The following CSPP1 variants were observed in gnomAD, a reference collection of about 807,000 sequenced individuals.
CSPP1 encodes centrosome and spindle pole-associated protein 1.
CSPP1 carries 126 observed loss-of-function variants against 164.4 expected under a neutral mutation model. The ratio of observed to expected loss-of-function variants is 0.77; its 90% CI spans 0.66 to 0.89. The LOEUF (loss-of-function observed/expected upper bound fraction) is 0.89, where lower values mean the gene tolerates loss of function less well. Among genes scored for constraint, CSPP1 ranks in the 40% least tolerant of loss-of-function variants. The pLI is 0.00. For missense variants in CSPP1, 1,395 were observed against 1,449.8 expected, an observed-to-expected ratio of 0.96 and a Z score of 0.61; for synonymous variants, 472 against 476.7, an observed-to-expected ratio of 0.99 and a Z score of 0.13.
chr8:67,071,616 A>G (rs972258846), intron 1 of CSPP1, among the ~76,000 whole-genome samples: 6 of 152,174 alleles, frequency 3.9e-5, no homozygotes, highest in African/African-American at 1.4e-4. Flanking sequence ...ACATATGTAA[A>G]CCAAACCTTT....
intron 3 of CSPP1, among the ~76,000 whole-genome samples, chr8:67,077,881 G>A (rs1808292082): frequency 1.3e-5 from 2 of 152,156 alleles, no homozygotes; most frequent in Non-Finnish European, 2.9e-5. Flanking sequence ...CTCAAAGTGA[G>A]TGCCCTACTT....
At chr8:67,162,779 A>G (rs933101978) in intron 22 of CSPP1, among the ~76,000 whole-genome samples, 1 of 152,136 alleles carries the variant, frequency 6.6e-6, no homozygotes, top group Admixed American at 6.6e-5. Context: ...CAGCTTTATG[A>G]TACATTTAAG....
At chr8:67,190,044 G>A (rs778222776) in intron 28 of CSPP1, among the ~76,000 whole-genome samples, 1 of 152,126 alleles carries the variant, frequency 6.6e-6, no homozygotes, top group Non-Finnish European at 1.5e-5. Context: ...GCAGAGTAGA[G>A]TTAACCATAA....
chr8:67,160,988 G>A (rs1828233534), intron 21 of CSPP1, among the ~76,000 whole-genome samples: 1 of 151,906 alleles, frequency 6.6e-6, no homozygotes, highest in South Asian at 2.1e-4. Context: ...TACCACACCT[G>A]GCTAATTTTT....
At chr8:67,124,555 C>A (rs990147528) in intron 15 of CSPP1, among the ~76,000 whole-genome samples, 3 of 152,108 alleles carry the variant, frequency 2.0e-5, no homozygotes, top group African/African-American at 7.2e-5. Context: ...GGTTGGAGTG[C>A]AGTGGCATGA....
At chr8:67,119,399 T>C (rs1035011504) in intron 15 of CSPP1, among the ~76,000 whole-genome samples, 3 of 152,210 alleles carry the variant, frequency 2.0e-5, no homozygotes, top group Non-Finnish European at 4.4e-5. Flanking sequence ...TTTTTGGGTC[T>C]GTACCCAGAG....
At chr8:67,122,483 C>T (rs893506414) in intron 15 of CSPP1, among the ~76,000 whole-genome samples, 1 of 152,156 alleles carries the variant, frequency 6.6e-6, no homozygotes, top group Admixed American at 6.5e-5. Flanking sequence ...ATTTCTTCAT[C>T]AACCTGTTGG....
chr8:67,089,854 T>A (rs960827095), intron 4 of CSPP1, among the ~76,000 whole-genome samples: 35 of 151,832 alleles, frequency 2.3e-4, no homozygotes, highest in African/African-American at 7.7e-4. Flanking sequence ...TTTTTTTTTT[T>A]AAATACTCAA....
chr8:67,163,980 G>A (rs1040041269), intron 23 of CSPP1, among the ~76,000 whole-genome samples, 182 bp downstream of exon 23: 3 of 152,164 alleles, frequency 2.0e-5, no homozygotes, highest in African/African-American at 7.2e-5. Context: ...GCCAGGAAGT[G>A]GACATTGATG....
rs543938074 is a variant in CSPP1 at position 67,119,915 on chromosome 8, C to T, written c.1697+1094C>T. On this transcript the variant is annotated intron_variant, in intron 15 of 30. Coordinates refer to ENST00000678616, the MANE Select transcript of CSPP1 (RefSeq NM_001382391.1). ...GTCTTTTTATTATTGTTGCCTGTGC[C>T]TTTGGTGTCATGTCTGAGAAATCAT... 1.3e-3 allele frequency among the ~76,000 whole-genome samples: 199 copies of T among 152,210 alleles called. 1 individual carries two copies. The highest frequency in any genetic ancestry group is 6.8e-3 in the Middle Eastern group (2 of 294).
intron 7 of CSPP1, among the ~76,000 whole-genome samples, chr8:67,097,751 A>G (rs1813119373): frequency 6.6e-6 from 1 of 151,912 alleles, no homozygotes; most frequent in Non-Finnish European, 1.5e-5. Flanking sequence ...TACATGAACT[A>G]ACAAATGAAT....
At chr8:67,178,449 G>C (rs1832207095) in intron 27 of CSPP1, among the ~76,000 whole-genome samples, 1 of 152,140 alleles carries the variant, frequency 6.6e-6, no homozygotes, top group African/African-American at 2.4e-5. Context: ...TAAACAAAAG[G>C]GACAAAAATC....
At chr8:67,078,295 G>A (rs547532999) in intron 3 of CSPP1, among the ~76,000 whole-genome samples, 1 of 152,084 alleles carries the variant, frequency 6.6e-6, no homozygotes, top group African/African-American at 2.4e-5. Flanking sequence ...GTGAAAAGAT[G>A]GCTGGCACGT....
chr8:67,159,950 CTTCCTTCTTTCTTTTCTTTTCTTTTCTT>C (rs1827781993), intron 21 of CSPP1, among the ~76,000 whole-genome samples: 9 of 27,474 alleles, frequency 3.3e-4, no homozygotes, highest in Non-Finnish European at 4.4e-4. Context: ...TCCTTCCTTC[CTTCCTTCTTTCTTTTCTTTTCTTTTCTT>C]TTCTTTTCTT....
intron 7 of CSPP1, among the ~76,000 whole-genome samples, chr8:67,100,148 A>AT (rs1210779275): frequency 6.6e-6 from 1 of 151,966 alleles, no homozygotes; most frequent in Non-Finnish European, 1.5e-5. Flanking sequence ...CTTGTTAATG[A>AT]TTTTTTTCTT....
intron 13 of CSPP1, among the ~76,000 whole-genome samples, chr8:67,116,608 G>A (rs1306144787): frequency 6.6e-6 from 1 of 152,118 alleles, no homozygotes; most frequent in Admixed American, 6.6e-5. Flanking sequence ...GAAATAAAAA[G>A]TGTTGAGATT....
intron 16 of CSPP1, 41 bp downstream of exon 16, chr8:67,132,121 T>G (rs964695999): frequency 6.4e-7 from 1 of 1,574,358 alleles, no homozygotes; most frequent in Non-Finnish European, 8.6e-7. Context: ...ACCTCTTAAG[T>G]GTAAGCATGG....
Position 67,146,505 on chromosome 8 carries a change from ATAAG to A in CSPP1, c.1976-3272_1976-3269del, listed in dbSNP as rs1824595869. ...GAGCCATCAGTTAGAATTTTACTCT[ATAAG>A]TAAGTGTATATATTTTAAATTAGGT... On this transcript the variant is annotated intron_variant, in intron 17 of 30. Coordinates refer to ENST00000678616, the MANE Select transcript of CSPP1 (RefSeq NM_001382391.1). 2.0e-5 allele frequency among the ~76,000 whole-genome samples: 3 copies of A among 152,282 alleles called. No homozygotes were observed. The South Asian group carries it at 6.2e-4, about 32-fold the overall frequency.
At chr8:67,112,727 A>G (rs1817120159) in intron 10 of CSPP1, among the ~76,000 whole-genome samples, 1 of 152,212 alleles carries the variant, frequency 6.6e-6, no homozygotes. Context: ...TCCCTGCTCC[A>G]GTAGATCCAG....
Sources: gnomAD v4.1 joint callset for allele counts (sites outside exome capture counted in the v4.1 genomes callset) on GRCh38, gnomAD v4.1.1 for gene constraint, MANE v1.5 for transcripts, NCBI Gene and HGNC (gene_info 2026-07-23, HGNC 2026-07-21) for gene names.